ROBO2: variants seen among roughly 807,000 people sequenced by gnomAD.
ROBO2 encodes the protein roundabout guidance receptor 2, also known as roundabout homolog 2.
Under a neutral mutation model 160.8 loss-of-function variants are expected in ROBO2, and 53 were observed. The ratio of observed to expected loss-of-function variants is 0.33; its 90% CI spans 0.26 to 0.41. ROBO2 has a LOEUF of 0.41. Ranked by LOEUF, ROBO2 falls within the 10% of genes least tolerant of loss-of-function variation. ROBO2 has a pLI of 1.00. For synonymous variants in ROBO2, 664 were observed against 611.7 expected (o/e 1.09, Z -1.26); for missense variants, 1,577 against 1,722.4 (o/e 0.92, Z 1.49).
intron 1 of ROBO2, among the ~76,000 whole-genome samples, chr3:77,096,672 A>C (rs2071112321): frequency 6.6e-6 from 1 of 151,790 alleles, no homozygotes; most frequent in South Asian, 2.1e-4. Context: ...CTGGTCTCGA[A>C]CTCCTGACCT....
intron 2 of ROBO2, among the ~76,000 whole-genome samples, chr3:76,366,590 G>A (rs1314531474): frequency 6.6e-6 from 1 of 151,912 alleles, no homozygotes; most frequent in African/African-American, 2.4e-5. Context: ...TAATGCTATT[G>A]TTAAAATTGC....
intron 2 of ROBO2, among the ~76,000 whole-genome samples, chr3:76,602,394 C>T (rs1055756163): frequency 6.6e-6 from 1 of 152,114 alleles, no homozygotes; most frequent in Non-Finnish European, 1.5e-5. Context: ...TGTATTCGTT[C>T]GTTTTCATGC....
At chr3:77,384,200 T>C (rs904414963) in intron 2 of ROBO2, among the ~76,000 whole-genome samples, 1 of 152,194 alleles carries the variant, frequency 6.6e-6, no homozygotes. Context: ...TGCTAAAATC[T>C]AAATGTATGC....
chr3:76,192,899 A>G (rs1702082367), intron 2 of ROBO2, among the ~76,000 whole-genome samples: 1 of 152,144 alleles, frequency 6.6e-6, no homozygotes, highest in Non-Finnish European at 1.5e-5. Context: ...TTTCATTCAT[A>G]GGTCAATTTA....
chr3:77,317,622 T>G lies in ROBO2; in HGVS notation c.389-159792T>G, dbSNP rs1458155093. 5 of 717,334 alleles carry G rather than the reference T, an allele frequency of 7.0e-6. No homozygotes were observed. In the African/African-American group the frequency reaches 1.1e-4, roughly 16 times the overall value. 44.4% of individuals were successfully genotyped at this position (717,334 alleles called of 1,614,324 possible). On this transcript the variant is annotated intron_variant, in intron 2 of 25. Coordinates refer to ENST00000461745, the Ensembl canonical transcript of ROBO2. The stretch of plus-strand genomic sequence containing the variant: ...GGCACAGCCGTCTTCTGCTCAAAGG[T>G]GGCGGCGGGCTCTGCGGGGGCTGCT...
chr3:77,274,535 G>A (rs941001328), intron 2 of ROBO2, among the ~76,000 whole-genome samples: 4 of 151,958 alleles, frequency 2.6e-5, no homozygotes, highest in Admixed American at 2.0e-4. Flanking sequence ...CAGCATGGAC[G>A]GTTGCCTAAT....
chr3:76,777,419 C>A (rs1291432023), intron 2 of ROBO2, among the ~76,000 whole-genome samples: 1 of 150,934 alleles, frequency 6.6e-6, no homozygotes, highest in Non-Finnish European at 1.5e-5. Context: ...TTCTCATCTG[C>A]TAAATAAATG....
intron 2 of ROBO2, among the ~76,000 whole-genome samples, chr3:77,244,078 G>T (rs1012113542): frequency 6.6e-6 from 1 of 152,132 alleles, no homozygotes; most frequent in African/African-American, 2.4e-5. Flanking sequence ...AGTAGTGACT[G>T]TATCATTATA....
At chr3:77,560,924 C>T (rs1053807325) in intron 9 of ROBO2, among the ~76,000 whole-genome samples, 1 of 152,102 alleles carries the variant, frequency 6.6e-6, no homozygotes, top group African/African-American at 2.4e-5. Flanking sequence ...AACCTCGGCT[C>T]ATTATATTTA....
At chr3:77,323,200 C>T (rs951747758) in intron 2 of ROBO2, among the ~76,000 whole-genome samples, 1 of 150,730 alleles carries the variant, frequency 6.6e-6, no homozygotes, top group Non-Finnish European at 1.5e-5. Flanking sequence ...AAACATATTT[C>T]CCACACTGAC....
intron 2 of ROBO2, among the ~76,000 whole-genome samples, chr3:76,781,469 ATTC>A (rs901885884): frequency 6.6e-6 from 1 of 150,688 alleles, no homozygotes; most frequent in Non-Finnish European, 1.5e-5. Context: ...CAAGAGTGGC[ATTC>A]TTATCTTGTA....
chr3:76,651,806 C>T (rs540943842), intron 2 of ROBO2, among the ~76,000 whole-genome samples: 1 of 152,256 alleles, frequency 6.6e-6, no homozygotes, highest in African/African-American at 2.4e-5. Context: ...CTTCTAGCTA[C>T]CCTTGGACCT....
At chr3:76,650,099 C>G (rs80045808) in intron 2 of ROBO2, among the ~76,000 whole-genome samples, 3,304 of 151,860 alleles carry the variant, frequency 0.022, 38 homozygotes, top group African/African-American at 0.042. Context: ...AACCTTATTC[C>G]CAGAGAAAGA....
At chr3:77,455,725 C>T (rs147889059) in intron 2 of ROBO2, among the ~76,000 whole-genome samples, 1,523 of 139,980 alleles carry the variant, frequency 0.011, 23 homozygotes, top group African/African-American at 0.039. Context: ...CCACCGCGCC[C>T]GGCCTTATAC....
intron 5 of ROBO2, among the ~76,000 whole-genome samples, chr3:77,516,376 C>T (rs2090019222): frequency 6.6e-6 from 1 of 151,456 alleles, no homozygotes; most frequent in Non-Finnish European, 1.5e-5. Context: ...TTTGAGAATA[C>T]TAGGCAAATA....
chr3:77,601,618 A>G (rs1335501973), intron 19 of ROBO2, among the ~76,000 whole-genome samples: 1 of 152,222 alleles, frequency 6.6e-6, no homozygotes, highest in Non-Finnish European at 1.5e-5. Context: ...AAATTCTGCT[A>G]TATTGTGAAA....
At chr3:76,147,927 C>T (rs972677962) in intron 2 of ROBO2, among the ~76,000 whole-genome samples, 5 of 151,936 alleles carry the variant, frequency 3.3e-5, no homozygotes, top group African/African-American at 1.2e-4. Flanking sequence ...AAAAACTTAA[C>T]ATTTCATAAT....
chr3:76,482,721 G>A (rs190161270), intron 2 of ROBO2, among the ~76,000 whole-genome samples: 2 of 152,218 alleles, frequency 1.3e-5, no homozygotes, highest in Admixed American at 1.3e-4. Flanking sequence ...GCACATTACA[G>A]TGAATCACTG....
chr3:77,562,833 T>A (rs2093366169), intron 10 of ROBO2, 101 bp downstream of exon 11: 1 of 899,406 alleles, frequency 1.1e-6, no homozygotes, highest in East Asian at 2.5e-5. Context: ...ATTCACTGAA[T>A]GTAAATTTTA....
Sources: gnomAD v4.1 joint callset for allele counts (sites outside exome capture counted in the v4.1 genomes callset) on GRCh38, gnomAD v4.1.1 for gene constraint, MANE v1.5 for transcripts, NCBI Gene and HGNC (gene_info 2026-07-23, HGNC 2026-07-21) for gene names.